The following ZNF654 variants were observed in gnomAD, a reference collection of about 807,000 sequenced individuals.
ZNF654 encodes the protein zinc finger protein 654, also known as melanoma-associated antigen.
In ZNF654, 19 loss-of-function variants were observed where a neutral mutation model predicts 95.3. The ratio of observed to expected loss-of-function variants is 0.20; its 90% CI spans 0.14 to 0.29. The LOEUF is 0.29. Ranked by LOEUF, ZNF654 falls within the 10% of genes least tolerant of loss-of-function variation. The pLI is 1.00. For synonymous variants in ZNF654, 413 were observed against 457.9 expected, an observed-to-expected ratio of 0.90 and a Z score of 1.25; for missense variants, 1,046 against 1,341.0, an observed-to-expected ratio of 0.78 and a Z score of 3.44.
chr3:88,086,358 A>G lies in ZNF654; in HGVS notation c.288A>G (p.Pro96=), dbSNP rs1007764432. 2.6e-6 allele frequency: 4 copies of G among 1,535,618 alleles called. No homozygotes were observed. The African/African-American group carries it at 4.1e-5, about 16-fold the overall frequency. Residue 96 remains proline (P), a synonymous_variant, in exon 2 of 9, where the codon CCA becomes CCG. Transcript: ENST00000636215. The part of the protein sequence containing the change: ...CCFTTASASF[P]DECEHVQYVL... ...TTACAACAGCCAGTGCATCATTCCC[A>G]GATGAATGTGAGCATGTACAATATG...
intron 2 of ZNF654, among the ~76,000 whole-genome samples, chr3:88,088,638 C>T (rs1708462410): frequency 1.3e-5 from 2 of 151,920 alleles, no homozygotes; most frequent in South Asian, 4.1e-4. Flanking sequence ...CACTGTGCGT[C>T]TTTAAAAATT....
chr3:88,084,776 G>A (rs556457188), intron 1 of ZNF654, among the ~76,000 whole-genome samples: 2 of 152,152 alleles, frequency 1.3e-5, no homozygotes, highest in Non-Finnish European at 2.9e-5. Context: ...AGCAAGCAGC[G>A]TGAGTTTCGT....
intron 3 of ZNF654, among the ~76,000 whole-genome samples, chr3:88,114,776 T>C (rs975688717): frequency 1.3e-5 from 2 of 151,670 alleles, no homozygotes; most frequent in African/African-American, 4.8e-5. Context: ...CCCAGGCCTG[T>C]GCCCTTAGGA....
Position 88,140,124 on chromosome 3 carries a change from C to A in ZNF654, c.2455C>A (p.His819Asn). ...HSYPNVYFCLHFNCNESFKLP... is the reference protein window; with the variant it reads ...HSYPNVYFCLNFNCNESFKLP... ...CTATCCAAATGTGTATTTTTGTTTG[C>A]ATTTTAATTGCAACGAGTCGTTTAA... is the stretch of plus-strand genomic sequence containing the variant. The change falls in exon 8 of 9, where the codon CAT becomes AAT. Residue 819 changes from histidine to asparagine, a missense_variant. Physicochemically the swap from His to Asn is moderately conservative, Grantham distance 68. Transcript: ENST00000636215. The A allele has an allele frequency of 6.2e-7, 1 of 1,613,848 alleles. No individual in the cohort carries two copies. The highest frequency in any genetic ancestry group is 8.5e-7 in the Non-Finnish European group (1 of 1,179,800).
chr3:88,069,276 G>A (rs1451275106), intron 1 of ZNF654, among the ~76,000 whole-genome samples: 1 of 152,132 alleles, frequency 6.6e-6, no homozygotes, highest in Non-Finnish European at 1.5e-5. Context: ...ACAAAAATTA[G>A]TCGGGCATGG....
At chr3:88,062,825 G>C (rs4858984) in intron 1 of ZNF654, among the ~76,000 whole-genome samples, 1,714 of 152,262 alleles carry the variant, frequency 0.011, 106 homozygotes, top group Admixed American at 0.1. Context: ...ACTTAGTATT[G>C]TACGTAGCAC....
Position 88,104,147 on chromosome 3 carries a change from A to C in ZNF654, c.333-8968A>C, listed in dbSNP as rs565632690. Among the ~76,000 whole-genome samples the C allele has an allele frequency of 5.5e-4, 84 of 152,288 alleles. 2 individuals are homozygous for C. In the South Asian group the frequency reaches 0.016, roughly 29 times the overall value. On this transcript the variant is annotated intron_variant, in intron 2 of 8. Coordinates refer to ENST00000636215, the MANE Select transcript of ZNF654 (RefSeq NM_001350134.2). Reference sequence around the variant, plus strand: ...AGGTAATTCATTTCTGGCAGGCCTGAACTACAGAAAAATGTTAAAGGGAGT... The same window carrying C: ...AGGTAATTCATTTCTGGCAGGCCTGCACTACAGAAAAATGTTAAAGGGAGT...
chr3:88,059,347 G>A lies in ZNF654; in HGVS notation c.28G>A (p.Ala10Thr). The change falls in exon 1 of 9, where the codon GCC (alanine) becomes ACC (threonine). Residue 10 changes from alanine to threonine, a missense_variant. Ala to Thr is a moderately conservative substitution (Grantham distance 58). Coordinates refer to ENST00000636215, the MANE Select transcript of ZNF654 (RefSeq NM_001350134.2). Reference sequence around the variant, plus strand: ...GGCGGAGGAAGAGAGCGACCAAGAGGCCGAACGCCTCGGAGAAGAGCTTGT... The same window carrying A: ...GGCGGAGGAAGAGAGCGACCAAGAGACCGAACGCCTCGGAGAAGAGCTTGT... The part of the protein sequence containing the change: MAEEESDQE[A>T]ERLGEELVAI... 1.3e-6 allele frequency: 2 copies of A among 1,534,880 alleles called. No homozygotes were observed. The highest frequency in any genetic ancestry group is 1.2e-5 in the South Asian group (1 of 84,040).
At chr3:88,075,482 T>C (rs1223974494) in intron 1 of ZNF654, among the ~76,000 whole-genome samples, 1 of 152,224 alleles carries the variant, frequency 6.6e-6, no homozygotes, top group Non-Finnish European at 1.5e-5. Flanking sequence ...GTACCTAAAG[T>C]GGAACTACTT....
At chr3:88,133,511 T>C (rs1417908669) in intron 6 of ZNF654, among the ~76,000 whole-genome samples, 1 of 152,138 alleles carries the variant, frequency 6.6e-6, no homozygotes, top group African/African-American at 2.4e-5. Flanking sequence ...GGGGTATTCA[T>C]GAAGGCTTTC....
intron 1 of ZNF654, among the ~76,000 whole-genome samples, chr3:88,067,599 G>T (rs767029044): frequency 1.1e-4 from 16 of 152,212 alleles, no homozygotes; most frequent in South Asian, 2.1e-4. Flanking sequence ...GAAACCCAGA[G>T]AACTGTGGTG....
chr3:88,067,947 C>G (rs1490133422), intron 1 of ZNF654, among the ~76,000 whole-genome samples: 1 of 150,984 alleles, frequency 6.6e-6, no homozygotes. Context: ...TGAGAATGAT[C>G]CATTTGAAAG....
At chr3:88,126,579 CTTTTTTTTTTTTTT>C (rs144091813) in intron 4 of ZNF654, among the ~76,000 whole-genome samples, 3 of 81,744 alleles carry the variant, frequency 3.7e-5, no homozygotes, top group African/African-American at 9.0e-5. Context: ...GTAGAAACAT[CTTTTTTTTTTTTTT>C]TTTTTTTTTT....
At chr3:88,125,766 A>G (rs1706064144) in intron 3 of ZNF654, among the ~76,000 whole-genome samples, 1 of 152,128 alleles carries the variant, frequency 6.6e-6, no homozygotes, top group Non-Finnish European at 1.5e-5. Flanking sequence ...TTTTCTTATC[A>G]GGCTCTTGCC....
chr3:88,070,798 C>G (rs1040610936), intron 1 of ZNF654, among the ~76,000 whole-genome samples: 1 of 152,088 alleles, frequency 6.6e-6, no homozygotes, highest in African/African-American at 2.4e-5. Flanking sequence ...TTTTTATCGT[C>G]ATTTTATGAA....
At chr3:88,110,506 T>A (rs1705023032) in intron 2 of ZNF654, among the ~76,000 whole-genome samples, 1 of 152,170 alleles carries the variant, frequency 6.6e-6, no homozygotes, top group South Asian at 2.1e-4. Context: ...CTTAAAAAAA[T>A]TTAAATATGG....
chr3:88,086,357 C>T lies in ZNF654; in HGVS notation c.287C>T (p.Pro96Leu). Reference protein sequence around the residue: ...CCFTTASASFPDECEHVQYVL... With the variant: ...CCFTTASASFLDECEHVQYVL... ...TTTACAACAGCCAGTGCATCATTCC[C>T]AGATGAATGTGAGCATGTACAATAT... Residue 96 changes from proline to leucine, a missense_variant, in exon 2 of 9, where the codon CCA (proline) becomes CTA (leucine). Physicochemically the swap from Pro to Leu is moderately conservative, Grantham distance 98. Around this residue, in one of 9 missense-constraint regions of ZNF654, gnomAD observed 91 missense variants for 190.5 expected, o/e 0.48. Transcript: ENST00000636215. 2.0e-6 allele frequency: 3 copies of T among 1,535,646 alleles called. No homozygotes were observed. Among genetic ancestry groups the T allele is most frequent in the Non-Finnish European group, 2.6e-6 (3 of 1,146,698 alleles).
intron 6 of ZNF654, among the ~76,000 whole-genome samples, chr3:88,130,352 C>G (rs1706372935): frequency 1.3e-5 from 2 of 152,142 alleles, no homozygotes; most frequent in Non-Finnish European, 2.9e-5. Flanking sequence ...CTGAAATGAT[C>G]ATGGGCTATA....
intron 3 of ZNF654, among the ~76,000 whole-genome samples, chr3:88,115,467 T>C (rs557793454): frequency 1.3e-5 from 2 of 152,322 alleles, no homozygotes; most frequent in South Asian, 2.1e-4. Flanking sequence ...GGCAAAATGA[T>C]CATGTCACTG....
Sources: gnomAD v4.1 joint callset for allele counts (sites outside exome capture counted in the v4.1 genomes callset) on GRCh38, gnomAD v4.1.1 for gene constraint, gnomAD v4.1.1 regional missense constraint, MANE v1.5 for transcripts, NCBI Gene and HGNC (gene_info 2026-07-23, HGNC 2026-07-21) for gene names.